DLG2: variants seen among roughly 807,000 people sequenced by gnomAD.
DLG2 encodes disks large homolog 2.
Under a neutral mutation model 132.5 loss-of-function variants are expected in DLG2, and 45 were observed. That is an observed-to-expected ratio of 0.34 (90% CI 0.27 to 0.44). The LOEUF is 0.44. DLG2 is among the 20% of genes least tolerant of loss of function. DLG2 has a pLI of 1.00. For missense variants in DLG2, 1,045 were observed against 1,196.9 expected (o/e 0.87, Z 1.87); for synonymous variants, 424 against 419.6 (o/e 1.01, Z -0.13).
chr11:85,095,101 C>A (rs2069500595), intron 6 of DLG2, among the ~76,000 whole-genome samples: 1 of 152,124 alleles, frequency 6.6e-6, no homozygotes, highest in Admixed American at 6.6e-5. Flanking sequence ...CAGTGAAGTT[C>A]TTGATCCTAT....
intron 6 of DLG2, among the ~76,000 whole-genome samples, chr11:84,645,130 T>C (rs2099673033): frequency 6.6e-6 from 1 of 152,184 alleles, no homozygotes; most frequent in Non-Finnish European, 1.5e-5. Context: ...CAGTCAGGGA[T>C]AAGAGAGAGG....
chr11:83,792,428 A>G (rs547063523), intron 17 of DLG2, among the ~76,000 whole-genome samples: 2 of 152,336 alleles, frequency 1.3e-5, no homozygotes, highest in Middle Eastern at 3.4e-3. Context: ...TCCATATATC[A>G]TAAGTAAGGC....
At chr11:84,186,295 T>C (rs575914758) in intron 8 of DLG2, among the ~76,000 whole-genome samples, 1 of 152,222 alleles carries the variant, frequency 6.6e-6, no homozygotes, top group Non-Finnish European at 1.5e-5. Context: ...ACTTCCACTA[T>C]ACATATATTA....
At chr11:84,118,166 C>T (rs1363743116) in intron 9 of DLG2, among the ~76,000 whole-genome samples, 2 of 152,128 alleles carry the variant, frequency 1.3e-5, no homozygotes, top group African/African-American at 2.4e-5. Context: ...CTGGCTTTAT[C>T]TTAGTAATTC....
At chr11:84,730,779 A>G (rs1009501047) in intron 6 of DLG2, among the ~76,000 whole-genome samples, 3 of 151,968 alleles carry the variant, frequency 2.0e-5, no homozygotes, top group African/African-American at 7.2e-5. Context: ...CCCCAGGAAC[A>G]CCACTCTATT....
At chr11:84,040,510 T>A (rs1170524946) in intron 11 of DLG2, among the ~76,000 whole-genome samples, 1 of 151,986 alleles carries the variant, frequency 6.6e-6, no homozygotes, top group Non-Finnish European at 1.5e-5. Flanking sequence ...TTCTCAGGTT[T>A]GTCAAAGATC....
intron 19 of DLG2, among the ~76,000 whole-genome samples, chr11:83,556,521 C>G (rs376693219): frequency 6.6e-6 from 1 of 151,934 alleles, no homozygotes; most frequent in Non-Finnish European, 1.5e-5. Context: ...CACAGGCGTG[C>G]GCCAAACTGC....
chr11:84,671,982 C>G (rs898104516), intron 6 of DLG2, among the ~76,000 whole-genome samples: 2 of 152,118 alleles, frequency 1.3e-5, no homozygotes, highest in African/African-American at 4.8e-5. Context: ...AAGTATCTAG[C>G]TCTGTGAGCT....
At chr11:85,232,324 T>C (rs746239930) in intron 4 of DLG2, among the ~76,000 whole-genome samples, 31 of 151,932 alleles carry the variant, frequency 2.0e-4, no homozygotes, top group Non-Finnish European at 2.4e-4. Context: ...ATAATTTTTA[T>C]TTTCATCAAA....
chr11:84,817,719 G>T (rs1265527749), intron 6 of DLG2, among the ~76,000 whole-genome samples: 1 of 151,916 alleles, frequency 6.6e-6, no homozygotes, highest in Non-Finnish European at 1.5e-5. Context: ...AACTAGTAAT[G>T]GGTGAAGACG....
At chr11:83,848,295 G>C (rs566374444) in intron 16 of DLG2, among the ~76,000 whole-genome samples, 1 of 151,912 alleles carries the variant, frequency 6.6e-6, no homozygotes, top group Admixed American at 6.6e-5. Flanking sequence ...GTACAGATTA[G>C]GTACAGATTA....
chr11:83,676,675 G>T (rs1255633779), intron 18 of DLG2, among the ~76,000 whole-genome samples: 2 of 152,190 alleles, frequency 1.3e-5, no homozygotes, highest in Admixed American at 1.3e-4. Flanking sequence ...GCAAGGTTTA[G>T]TAGTAGGGAA....
chr11:85,012,314 CAGG>C lies in DLG2; in HGVS notation c.357+99344_357+99346del, dbSNP rs1198731649. On this transcript the variant is annotated intron_variant, in intron 6 of 27. Transcript: ENST00000376104. ...AGCTAAGGCGGGTGGATCACGAGGTCAGGAGATCGAGACCATCCTGGCTAACAC... is the reference window on the plus strand; with the variant it reads ...AGCTAAGGCGGGTGGATCACGAGGTCAGATCGAGACCATCCTGGCTAACAC... Among the ~76,000 whole-genome samples the C allele has an allele frequency of 5.4e-5, 3 of 55,354 alleles. 1 individual carries two copies. Among genetic ancestry groups the C allele is most frequent in the Non-Finnish European group, 9.2e-5 (3 of 32,644 alleles). The allele number at this position is 55,354 out of a possible 152,430, so 36.3% of individuals were successfully genotyped here. A position where few individuals can be genotyped will look rare whatever the true frequency, so the allele number is the denominator to read the frequency against.
At chr11:83,942,358 T>C (rs1217665693) in intron 14 of DLG2, among the ~76,000 whole-genome samples, 1 of 152,154 alleles carries the variant, frequency 6.6e-6, no homozygotes, top group Admixed American at 6.5e-5. Flanking sequence ...ATATATACAG[T>C]TTGATTCAGT....
At chr11:84,131,891 T>C (rs2094437025) in intron 9 of DLG2, among the ~76,000 whole-genome samples, 1 of 152,000 alleles carries the variant, frequency 6.6e-6, no homozygotes, top group South Asian at 2.1e-4. Context: ...TTATCATGTA[T>C]GACATTATGT....
intron 6 of DLG2, among the ~76,000 whole-genome samples, chr11:84,583,511 C>G (rs188818709): frequency 5.3e-5 from 8 of 152,188 alleles, no homozygotes; most frequent in Admixed American, 5.2e-4. Flanking sequence ...CTTAACAAAC[C>G]CTAATGTTAT....
chr11:85,131,576 A>C (rs116655808), intron 5 of DLG2, among the ~76,000 whole-genome samples: 1 of 152,120 alleles, frequency 6.6e-6, no homozygotes, highest in African/African-American at 2.4e-5. Flanking sequence ...CAATTTTTAA[A>C]AGTAAAATAA....
chr11:84,653,722 G>A lies in DLG2; in HGVS notation c.358-118991C>T, dbSNP rs1033270947. ...ATGTTCAAGTCCTCCTAACTTATGGGATATTACAGCAAATATTTCCACCTG... is the reference window on the plus strand; with the variant it reads ...ATGTTCAAGTCCTCCTAACTTATGGAATATTACAGCAAATATTTCCACCTG... On this transcript the variant is annotated intron_variant, in intron 6 of 27. Coordinates refer to ENST00000376104, the MANE Select transcript of DLG2 (RefSeq NM_001142699.3). Among the ~76,000 whole-genome samples, 6 of 152,134 alleles carry A rather than the reference G, an allele frequency of 3.9e-5. No individual in the cohort carries two copies. In the South Asian group the frequency reaches 1.0e-3, roughly 26 times the overall value.
intron 6 of DLG2, among the ~76,000 whole-genome samples, chr11:84,760,606 C>A (rs1597482914): frequency 6.6e-6 from 1 of 152,198 alleles, no homozygotes; most frequent in African/African-American, 2.4e-5. Context: ...ACTGTGCACA[C>A]CTTCATGACT....
Sources: gnomAD v4.1 joint callset for allele counts (sites outside exome capture counted in the v4.1 genomes callset) on GRCh38, gnomAD v4.1.1 for gene constraint, MANE v1.5 for transcripts, NCBI Gene and HGNC (gene_info 2026-07-23, HGNC 2026-07-21) for gene names.